C1orf87: variants seen among roughly 807,000 people sequenced by gnomAD.
C1orf87 encodes chromosome 1 open reading frame 87.
C1orf87 carries 58 observed loss-of-function variants against 60.5 expected under a neutral mutation model. The observed-to-expected ratio is 0.96, with a 90% CI of 0.78 to 1.19. The LOEUF (loss-of-function observed/expected upper bound fraction) is 1.19. Among genes scored for constraint, C1orf87 ranks in the 50% most tolerant of loss-of-function variants. The pLI, the probability that C1orf87 is intolerant of heterozygous loss-of-function variation, is 0.00. For missense variants in C1orf87, 673 were observed against 638.6 expected, an observed-to-expected ratio of 1.05 and a Z score of -0.58; for synonymous variants, 236 against 227.4, an observed-to-expected ratio of 1.04 and a Z score of -0.34.
At chr1:60,060,206 T>A (rs1645486091) in intron 2 of C1orf87, among the ~76,000 whole-genome samples, 2 of 152,106 alleles carry the variant, frequency 1.3e-5, no homozygotes, top group African/African-American at 4.8e-5. Flanking sequence ...TTGAATCATT[T>A]CTTTATCAAT....
At chr1:60,055,078 T>C in intron 3 of C1orf87, 126 bp downstream of exon 3, 1 of 887,894 alleles carries the variant, frequency 1.1e-6, no homozygotes, top group Non-Finnish European at 1.8e-6. Context: ...AATTGATTCT[T>C]ACTTCTATCT....
chr1:59,995,164 G>C (rs1644954744), intron 11 of C1orf87, among the ~76,000 whole-genome samples: 1 of 150,974 alleles, frequency 6.6e-6, no homozygotes, highest in African/African-American at 2.4e-5. Context: ...CCAGTCTTTG[G>C]AGAGTGTCTT....
chr1:60,022,544 A>G (rs1185343415), intron 8 of C1orf87, among the ~76,000 whole-genome samples: 2 of 152,144 alleles, frequency 1.3e-5, no homozygotes, highest in Non-Finnish European at 1.5e-5. Context: ...GCCTGAAACT[A>G]CAGCTAGTAC....
intron 7 of C1orf87, among the ~76,000 whole-genome samples, chr1:60,032,440 T>TG (rs1468814160): frequency 1.2e-4 from 17 of 143,296 alleles, no homozygotes; most frequent in Non-Finnish European, 2.3e-4. Flanking sequence ...AGGTTTTTTT[T>TG]TTTTTTTTTT....
intron 8 of C1orf87, among the ~76,000 whole-genome samples, chr1:60,014,007 A>G (rs665837): frequency 0.42 from 64,141 of 151,898 alleles, 14,252 homozygotes; most frequent in South Asian, 0.56. Flanking sequence ...CTACAACTTT[A>G]TTATCAGATA....
chr1:60,032,412 T>C lies in C1orf87; in HGVS notation c.1029+1064A>G, dbSNP rs916086261. Among the ~76,000 whole-genome samples, 4 of 151,412 alleles carry C rather than the reference T, an allele frequency of 2.6e-5. No individual in the cohort carries two copies. In the South Asian group the frequency reaches 6.3e-4, roughly 24 times the overall value. On this transcript the variant is annotated intron_variant, in intron 7 of 11. Transcript: ENST00000371201. ...TAGCTGTGACTCTTGGGTGATTCAA[T>C]TGGCCTCTTTGAGACTCAGGTTTTT...
chr1:60,033,419 C>A, intron 7 of C1orf87, 57 bp downstream of exon 7: 1 of 1,522,676 alleles, frequency 6.6e-7, no homozygotes. Flanking sequence ...TGCTATAGAC[C>A]CAATGCCCTG....
At chr1:60,012,193 AAAC>A (rs372880067) in intron 8 of C1orf87, among the ~76,000 whole-genome samples, 39 of 151,926 alleles carry the variant, frequency 2.6e-4, no homozygotes, top group Admixed American at 8.5e-4. Context: ...AAAAAACACA[AAAC>A]AACAACAACA....
chr1:60,003,447 T>C (rs759924782), intron 9 of C1orf87, among the ~76,000 whole-genome samples: 1 of 151,988 alleles, frequency 6.6e-6, no homozygotes, highest in African/African-American at 2.4e-5. Flanking sequence ...AATGTGCACA[T>C]GTACCCTAAA....
chr1:60,009,247 G>A (rs1200503594), intron 9 of C1orf87, among the ~76,000 whole-genome samples: 2 of 152,000 alleles, frequency 1.3e-5, no homozygotes, highest in African/African-American at 2.4e-5. Flanking sequence ...AAAGAAGAAG[G>A]CCTTGTGAAA....
chr1:60,005,507 T>A (rs1306360439), intron 9 of C1orf87, among the ~76,000 whole-genome samples: 1 of 152,096 alleles, frequency 6.6e-6, no homozygotes, highest in Non-Finnish European at 1.5e-5. Flanking sequence ...AATTCATCAA[T>A]GACCTCTTTA....
intron 11 of C1orf87, among the ~76,000 whole-genome samples, chr1:59,995,497 C>T (rs1644957788): frequency 6.6e-6 from 1 of 152,170 alleles, no homozygotes; most frequent in Admixed American, 6.5e-5. Context: ...CATCCACCTC[C>T]AGCAGTCCTG....
intron 6 of C1orf87, among the ~76,000 whole-genome samples, chr1:60,035,088 C>T (rs183411232): frequency 9.8e-5 from 15 of 152,302 alleles, no homozygotes; most frequent in Admixed American, 8.5e-4. Context: ...TGTGCCTTCA[C>T]CTGTCCAGGG....
chr1:60,011,467 CTGTCTCTGCCTT>C (rs1296594385), intron 8 of C1orf87, among the ~76,000 whole-genome samples: 1 of 152,028 alleles, frequency 6.6e-6, no homozygotes, highest in African/African-American at 2.4e-5. Flanking sequence ...CTCTCTCCCA[CTGTCTCTGCCTT>C]ACTCTTTGGT....
intron 7 of C1orf87, among the ~76,000 whole-genome samples, chr1:60,028,449 T>C (rs1645214703): frequency 6.6e-6 from 1 of 152,208 alleles, no homozygotes; most frequent in South Asian, 2.1e-4. Flanking sequence ...TTCACGATTA[T>C]TATTAAGATC....
intron 3 of C1orf87, among the ~76,000 whole-genome samples, chr1:60,053,943 T>C (rs1645433980): frequency 6.6e-6 from 1 of 152,114 alleles, no homozygotes; most frequent in Non-Finnish European, 1.5e-5. Flanking sequence ...TTTCAAAGAG[T>C]AAATAATAAA....
chr1:60,023,681 A>G (rs1022340333), intron 8 of C1orf87, among the ~76,000 whole-genome samples: 2 of 152,176 alleles, frequency 1.3e-5, no homozygotes, highest in Non-Finnish European at 2.9e-5. Flanking sequence ...TTATGATTAA[A>G]GTCCATAATT....
At chr1:60,032,925 G>T (rs1446158884) in intron 7 of C1orf87, among the ~76,000 whole-genome samples, 2 of 152,146 alleles carry the variant, frequency 1.3e-5, no homozygotes, top group African/African-American at 4.8e-5. Flanking sequence ...AGTAGTAGTG[G>T]TAATTATTAT....
At chr1:60,072,810 G>T (rs1325155148) in intron 1 of C1orf87, 140 bp from the exon 2 acceptor site, 7 of 544,826 alleles carry the variant, frequency 1.3e-5, no homozygotes, top group Non-Finnish European at 2.3e-5. Context: ...CCTAACAAAG[G>T]CATGAGAAAG....
Sources: gnomAD v4.1 joint callset for allele counts (sites outside exome capture counted in the v4.1 genomes callset) on GRCh38, gnomAD v4.1.1 for gene constraint, MANE v1.5 for transcripts, NCBI Gene and HGNC (gene_info 2026-07-23, HGNC 2026-07-21) for gene names.